GLIS1: variants seen among roughly 807,000 people sequenced by gnomAD.
GLIS1 encodes the protein GLIS family zinc finger 1, also known as zinc finger protein GLIS1.
Under a neutral mutation model 63.8 loss-of-function variants are expected in GLIS1, and 24 were observed. That is an observed-to-expected ratio of 0.38 (90% CI 0.27 to 0.53). The LOEUF is 0.53. GLIS1 is among the 20% of genes least tolerant of loss of function. The pLI, the probability that GLIS1 is intolerant of heterozygous loss-of-function variation, is 0.85. For synonymous variants in GLIS1, 450 were observed against 482.5 expected (o/e 0.93, Z 0.88); for missense variants, 1,036 against 1,074.1 (o/e 0.96, Z 0.50).
intron 2 of GLIS1, among the ~76,000 whole-genome samples, chr1:53,603,682 G>A (rs1266335145): frequency 6.6e-6 from 1 of 152,218 alleles, no homozygotes; most frequent in Non-Finnish European, 1.5e-5. Context: ...AAAAGCCGGG[G>A]GAGCAGGGGT....
At chr1:53,621,177 A>C (rs1290670158) in intron 2 of GLIS1, among the ~76,000 whole-genome samples, 1 of 152,236 alleles carries the variant, frequency 6.6e-6, no homozygotes, top group African/African-American at 2.4e-5. Flanking sequence ...TATTGTGAGG[A>C]TCAAGTGAGA....
intron 4 of GLIS1, among the ~76,000 whole-genome samples, chr1:53,559,940 CCA>C (rs1644869723): frequency 2.0e-5 from 3 of 152,114 alleles, no homozygotes; most frequent in South Asian, 4.1e-4. Flanking sequence ...CTACCTCTGC[CCA>C]CAGTGTTCCC....
At chr1:53,630,610 C>T (rs1645641778) in intron 2 of GLIS1, among the ~76,000 whole-genome samples, 1 of 152,272 alleles carries the variant, frequency 6.6e-6, no homozygotes, top group African/African-American at 2.4e-5. Context: ...ATTCTCCTGC[C>T]TCAGCCTCCC....
intron 2 of GLIS1, among the ~76,000 whole-genome samples, chr1:53,601,873 G>A (rs1004676391): frequency 2.0e-5 from 3 of 152,230 alleles, no homozygotes; most frequent in African/African-American, 7.2e-5. Flanking sequence ...CTGAGGCCGG[G>A]CACTCAGTGC....
At chr1:53,575,990 C>T (rs533303630) in intron 4 of GLIS1, among the ~76,000 whole-genome samples, 1 of 152,248 alleles carries the variant, frequency 6.6e-6, no homozygotes, top group Admixed American at 6.5e-5. Flanking sequence ...TCACTCCACA[C>T]CGTGCTTGCT....
rs143987540 is a variant in GLIS1 at position 53,522,051 on chromosome 1, C to A, written c.1594-1285G>T. Reference sequence around the variant, plus strand: ...CCAGGCTTGGAGAAGGCAAGCCCAGCCTCGAGATGGGCTCTTGGCTCCCTG... The same window carrying A: ...CCAGGCTTGGAGAAGGCAAGCCCAGACTCGAGATGGGCTCTTGGCTCCCTG... On this transcript the variant is annotated intron_variant, in intron 6 of 10. Coordinates refer to ENST00000628545, the MANE Select transcript of GLIS1 (RefSeq NM_001367484.1). Among the ~76,000 whole-genome samples the A allele has an allele frequency of 1.1e-4, 16 of 152,380 alleles. No individual in the cohort carries two copies. The East Asian group carries it at 2.9e-3, about 28-fold the overall frequency.
intron 2 of GLIS1, among the ~76,000 whole-genome samples, chr1:53,674,999 A>T (rs1646196615): frequency 1.3e-5 from 2 of 152,198 alleles, no homozygotes; most frequent in Admixed American, 1.3e-4. Context: ...CAGGAGCGGC[A>T]GGGACAGTCT....
chr1:53,557,009 G>T (rs999197441), intron 4 of GLIS1, among the ~76,000 whole-genome samples: 1 of 151,468 alleles, frequency 6.6e-6, no homozygotes, highest in Non-Finnish European at 1.5e-5. Flanking sequence ...TACTACAGGT[G>T]AGTGTGTGTG....
intron 4 of GLIS1, among the ~76,000 whole-genome samples, chr1:53,563,057 G>A (rs1644906961): frequency 6.6e-6 from 1 of 152,248 alleles, no homozygotes; most frequent in Non-Finnish European, 1.5e-5. Context: ...AGGAGGTAAG[G>A]ACAATCTCAG....
At chr1:53,654,590 G>T (rs1412620994) in intron 2 of GLIS1, among the ~76,000 whole-genome samples, 1 of 152,200 alleles carries the variant, frequency 6.6e-6, no homozygotes, top group East Asian at 1.9e-4. Context: ...GTGAGATGGT[G>T]GGGAACCAGA....
At chr1:53,600,506 C>T (rs1645305486) in intron 2 of GLIS1, among the ~76,000 whole-genome samples, 1 of 152,118 alleles carries the variant, frequency 6.6e-6, no homozygotes, top group Non-Finnish European at 1.5e-5. Context: ...TGCTAGGTCT[C>T]CGGTGGTTAA....
chr1:53,724,310 A>G (rs939315858), intron 2 of GLIS1, among the ~76,000 whole-genome samples: 5 of 152,230 alleles, frequency 3.3e-5, no homozygotes, highest in South Asian at 2.1e-4. Flanking sequence ...GTCCAACAGA[A>G]CTTTCTGTGA....
At chr1:53,632,435 G>A (rs761216741) in intron 2 of GLIS1, among the ~76,000 whole-genome samples, 1 of 149,822 alleles carries the variant, frequency 6.7e-6, no homozygotes, top group Non-Finnish European at 1.5e-5. Flanking sequence ...GAATATGACT[G>A]AGGGGTGTAA....
chr1:53,539,705 C>T lies in GLIS1; in HGVS notation c.1321-9753G>A, dbSNP rs1009348000. The stretch of plus-strand genomic sequence containing the variant: ...ATTCACAAACACACTAACCCCCACC[C>T]ACCAGCCACACCGACACACTGCCCC... On this transcript the variant is annotated intron_variant, in intron 4 of 10. Transcript: ENST00000628545. The surrounding 1 kb of genome is among the most constrained non-coding windows in gnomAD (Gnocchi z 5.0). Among the ~76,000 whole-genome samples, 24 of 152,144 alleles carry T rather than the reference C, an allele frequency of 1.6e-4. No homozygotes were observed. Among genetic ancestry groups the T allele is most frequent in the African/African-American group, 5.8e-4 (24 of 41,412 alleles).
chr1:53,594,047 G>A, intron 4 of GLIS1, 61 bp downstream of exon 4: 1 of 1,534,150 alleles, frequency 6.5e-7, no homozygotes, highest in Non-Finnish European at 8.8e-7. Flanking sequence ...CTGGGGCACT[G>A]GGGTGAGTGC....
chr1:53,709,413 C>CATATATACATATATAT (rs752636057), intron 2 of GLIS1, among the ~76,000 whole-genome samples: 6 of 124,772 alleles, frequency 4.8e-5, no homozygotes, highest in African/African-American at 1.1e-4. Context: ...TATATATATA[C>CATATATACATATATAT]ACACACACAC....
At chr1:53,612,308 C>T (rs924512432) in intron 2 of GLIS1, among the ~76,000 whole-genome samples, 3 of 152,078 alleles carry the variant, frequency 2.0e-5, no homozygotes, top group Non-Finnish European at 2.9e-5. Flanking sequence ...GGCGCGATCT[C>T]GGCTCACAGC....
intron 2 of GLIS1, among the ~76,000 whole-genome samples, chr1:53,659,290 A>C (rs149387503): frequency 6.6e-6 from 1 of 152,320 alleles, no homozygotes; most frequent in African/African-American, 2.4e-5. Context: ...GGTCCAGAGA[A>C]GCTCACGGGC....
chr1:53,705,404 A>G (rs1040456860), intron 2 of GLIS1, among the ~76,000 whole-genome samples: 3 of 152,216 alleles, frequency 2.0e-5, no homozygotes, highest in Admixed American at 2.0e-4. Flanking sequence ...AGTGCTGATC[A>G]ATACAGGATC....
Sources: allele counts gnomAD v4.1 joint callset (sites outside exome capture counted in the v4.1 genomes callset), GRCh38; gene constraint gnomAD v4.1.1; non-coding constraint Gnocchi (gnomAD v3.1); transcripts MANE v1.5; gene names NCBI Gene and HGNC (gene_info 2026-07-23, HGNC 2026-07-21).